The following GALNTL6 variants were observed in gnomAD, a reference collection of about 807,000 sequenced individuals.
GALNTL6 encodes polypeptide N-acetylgalactosaminyltransferase-like 6.
A neutral mutation model predicts 73.7 loss-of-function variants in GALNTL6; 46 were observed. The observed-to-expected ratio is 0.62, with a 90% CI of 0.49 to 0.80. GALNTL6 has a LOEUF of 0.80. Ranked by LOEUF, GALNTL6 falls within the 30% of genes least tolerant of loss-of-function variation. The pLI is 0.00. For synonymous variants in GALNTL6, 259 were observed against 263.7 expected (o/e 0.98, Z 0.17); for missense variants, 604 against 755.0 (o/e 0.80, Z 2.34).
At chr4:171,981,918 T>A (rs528541757) in intron 2 of GALNTL6, among the ~76,000 whole-genome samples, 155 of 152,048 alleles carry the variant, frequency 1.0e-3, no homozygotes, top group Non-Finnish European at 2.0e-3. Flanking sequence ...ATATATATAT[T>A]TTAACTACAG....
chr4:172,325,198 A>G (rs1312920406), intron 4 of GALNTL6, among the ~76,000 whole-genome samples: 1 of 151,986 alleles, frequency 6.6e-6, no homozygotes, highest in Non-Finnish European at 1.5e-5. Flanking sequence ...TAATGAAGGA[A>G]TATTATAACC....
At chr4:172,263,037 C>T (rs1017816184) in intron 3 of GALNTL6, among the ~76,000 whole-genome samples, 1 of 151,370 alleles carries the variant, frequency 6.6e-6, no homozygotes, top group Non-Finnish European at 1.5e-5. Context: ...TCTTTTGTCT[C>T]ACAGCTCCTA....
intron 8 of GALNTL6, among the ~76,000 whole-genome samples, chr4:172,920,328 G>A (rs1747730221): frequency 6.6e-6 from 1 of 152,164 alleles, no homozygotes; most frequent in Non-Finnish European, 1.5e-5. Context: ...GGAAAGCAAT[G>A]CTTTGTGGAA....
At chr4:172,319,338 A>G (rs947760348) in intron 4 of GALNTL6, among the ~76,000 whole-genome samples, 3 of 152,236 alleles carry the variant, frequency 2.0e-5, no homozygotes, top group African/African-American at 7.2e-5. Context: ...TAAAGTAGAT[A>G]TATCACGTAT....
chr4:172,441,934 CA>C (rs1431117248), intron 5 of GALNTL6, among the ~76,000 whole-genome samples: 1 of 151,956 alleles, frequency 6.6e-6, no homozygotes, highest in African/African-American at 2.4e-5. Context: ...AGTATTGTTG[CA>C]AAGCTGAAAG....
intron 2 of GALNTL6, among the ~76,000 whole-genome samples, chr4:171,935,835 C>G (rs1578986799): frequency 6.6e-6 from 1 of 151,828 alleles, no homozygotes; most frequent in Admixed American, 6.6e-5. Flanking sequence ...TTGTGGCTAG[C>G]ATTTTTGTTG....
At chr4:172,161,113 A>C (rs1464949866) in intron 2 of GALNTL6, among the ~76,000 whole-genome samples, 2 of 151,978 alleles carry the variant, frequency 1.3e-5, no homozygotes, top group African/African-American at 4.8e-5. Context: ...TGTCACAAAG[A>C]GGGATGCTTC....
chr4:172,415,395 G>A (rs1356951466), intron 5 of GALNTL6, among the ~76,000 whole-genome samples: 3 of 152,096 alleles, frequency 2.0e-5, no homozygotes, highest in African/African-American at 7.2e-5. Flanking sequence ...GCCATGTGAG[G>A]GATTCTACTC....
At chr4:172,089,265 T>C (rs976851895) in intron 2 of GALNTL6, among the ~76,000 whole-genome samples, 4 of 152,210 alleles carry the variant, frequency 2.6e-5, no homozygotes, top group African/African-American at 4.8e-5. Flanking sequence ...TGGAGTCATC[T>C]ATAAACTAGT....
At chr4:171,979,573 G>A (rs1739829429) in intron 2 of GALNTL6, among the ~76,000 whole-genome samples, 1 of 152,160 alleles carries the variant, frequency 6.6e-6, no homozygotes, top group Non-Finnish European at 1.5e-5. Flanking sequence ...TATAAATTTG[G>A]AGATCCATTC....
At chr4:172,581,677 G>A (rs1252924754) in intron 5 of GALNTL6, among the ~76,000 whole-genome samples, 2 of 152,074 alleles carry the variant, frequency 1.3e-5, no homozygotes, top group Non-Finnish European at 2.9e-5. Context: ...CATCCTCAGC[G>A]TGGTATCACA....
At chr4:172,425,455 G>A (rs1731193634) in intron 5 of GALNTL6, 1 of 152,008 alleles carries the variant, frequency 6.6e-6, no homozygotes, top group South Asian at 2.1e-4. Flanking sequence ...ACTTTATGGA[G>A]AGGAATTTTA....
At chr4:172,654,971 T>C (rs1215479993) in intron 5 of GALNTL6, among the ~76,000 whole-genome samples, 2 of 152,068 alleles carry the variant, frequency 1.3e-5, no homozygotes, top group Admixed American at 6.5e-5. Context: ...CATTGAGAGG[T>C]TATGCAATTG....
chr4:172,348,749 A>T, intron 5 of GALNTL6, 60 bp downstream of exon 5: 1 of 1,159,228 alleles, frequency 8.6e-7, no homozygotes, highest in South Asian at 1.9e-5. Context: ...ATCATTAAGG[A>T]CTTTTTAAAA....
At chr4:172,758,521 G>A (rs1737883894) in intron 5 of GALNTL6, among the ~76,000 whole-genome samples, 1 of 152,186 alleles carries the variant, frequency 6.6e-6, no homozygotes, top group Admixed American at 6.5e-5. Flanking sequence ...GGGTGACAGA[G>A]TGAGACTGTG....
chr4:171,930,822 G>T (rs945774285), intron 2 of GALNTL6, among the ~76,000 whole-genome samples: 1 of 152,140 alleles, frequency 6.6e-6, no homozygotes, highest in Admixed American at 6.5e-5. Flanking sequence ...GTGACAGAGC[G>T]AGACTCTGTC....
chr4:172,643,773 C>T (rs2111129475), intron 5 of GALNTL6, among the ~76,000 whole-genome samples: 1 of 151,976 alleles, frequency 6.6e-6, no homozygotes, highest in East Asian at 1.9e-4. Flanking sequence ...ATCTATAATC[C>T]TCCAGTGTAT....
intron 2 of GALNTL6, among the ~76,000 whole-genome samples, chr4:172,074,689 C>G (rs1731650824): frequency 6.6e-6 from 1 of 152,104 alleles, no homozygotes; most frequent in Non-Finnish European, 1.5e-5. Flanking sequence ...TGTCCCTACC[C>G]TTCTTATAAA....
chr4:172,381,464 A>C (rs1166808505), intron 5 of GALNTL6, among the ~76,000 whole-genome samples: 1 of 152,142 alleles, frequency 6.6e-6, no homozygotes, highest in East Asian at 1.9e-4. Context: ...CCAGTAATCT[A>C]CCTTCTTTCT....
Sources: allele counts gnomAD v4.1 joint callset (sites outside exome capture counted in the v4.1 genomes callset), GRCh38; gene constraint gnomAD v4.1.1; transcripts MANE v1.5; gene names NCBI Gene and HGNC (gene_info 2026-07-23, HGNC 2026-07-21).